Variants in SMOC2 observed in about 807,000 individuals in gnomAD.
SMOC2 encodes SPARC-related modular calcium-binding protein 2.
A neutral mutation model predicts 61.4 loss-of-function variants in SMOC2; 39 were observed. The ratio of observed to expected loss-of-function variants is 0.64; its 90% confidence interval spans 0.49 to 0.83. The LOEUF (loss-of-function observed/expected upper bound fraction) is 0.83, where lower values mean the gene tolerates loss of function less well. SMOC2 is among the 40% of genes least tolerant of loss of function. The pLI, the probability that SMOC2 is intolerant of heterozygous loss-of-function variation, is 0.00. For missense variants in SMOC2, 556 were observed against 592.9 expected, an observed-to-expected ratio of 0.94 and a Z score of 0.65; for synonymous variants, 247 against 239.9, an observed-to-expected ratio of 1.03 and a Z score of -0.27.
At chr6:168,547,848 T>C (rs1784043425) in intron 6 of SMOC2, among the ~76,000 whole-genome samples, 1 of 152,146 alleles carries the variant, frequency 6.6e-6, no homozygotes, top group Non-Finnish European at 1.5e-5. Context: ...ATTGCCATGG[T>C]GCATTCTCAT....
intron 9 of SMOC2, among the ~76,000 whole-genome samples, chr6:168,619,943 C>T (rs904868133): frequency 5.3e-5 from 8 of 152,198 alleles, no homozygotes; most frequent in African/African-American, 1.7e-4. Context: ...CACTGTGCTC[C>T]GGCAGGCCGT....
intron 9 of SMOC2, among the ~76,000 whole-genome samples, chr6:168,633,433 C>T (rs1786622892): frequency 6.6e-6 from 1 of 152,156 alleles, no homozygotes; most frequent in African/African-American, 2.4e-5. Context: ...GCTCGCTGCA[C>T]ACCGGCTTTG....
chr6:168,651,629 A>T (rs1344683263), intron 10 of SMOC2, among the ~76,000 whole-genome samples: 1 of 152,106 alleles, frequency 6.6e-6, no homozygotes, highest in Non-Finnish European at 1.5e-5. Context: ...ACTTTAGGTG[A>T]TTTTTTTGGT....
chr6:168,582,268 CTTT>C (rs1018141042), intron 7 of SMOC2, among the ~76,000 whole-genome samples: 2 of 151,324 alleles, frequency 1.3e-5, no homozygotes, highest in African/African-American at 4.8e-5. Flanking sequence ...GGGGTGACTT[CTTT>C]ATGTTACAGC....
chr6:168,620,604 A>G (rs1786217235), intron 9 of SMOC2, among the ~76,000 whole-genome samples: 1 of 152,202 alleles, frequency 6.6e-6, no homozygotes, highest in Non-Finnish European at 1.5e-5. Flanking sequence ...GACTTGTACC[A>G]ATGTCAAGAA....
intron 7 of SMOC2, among the ~76,000 whole-genome samples, chr6:168,595,201 C>T (rs1176281513): frequency 7.2e-6 from 1 of 139,746 alleles, no homozygotes; most frequent in Non-Finnish European, 1.6e-5. Flanking sequence ...TCACGAGGGG[C>T]ATCTTTCTAG....
intron 7 of SMOC2, among the ~76,000 whole-genome samples, chr6:168,559,689 G>A (rs530169610): frequency 2.0e-5 from 3 of 151,888 alleles, no homozygotes; most frequent in Non-Finnish European, 4.4e-5. Flanking sequence ...ACCCACCAAC[G>A]GCGTTTCCTT....
intron 7 of SMOC2, among the ~76,000 whole-genome samples, chr6:168,558,222 A>G (rs1369577132): frequency 6.6e-6 from 1 of 152,204 alleles, no homozygotes; most frequent in Admixed American, 6.5e-5. Flanking sequence ...CAGAGCCGCA[A>G]CCTTCTCATT....
intron 8 of SMOC2, among the ~76,000 whole-genome samples, chr6:168,607,042 G>A (rs1583154834): frequency 6.6e-6 from 1 of 152,244 alleles, no homozygotes; most frequent in South Asian, 2.1e-4. Flanking sequence ...TCCACAGAAA[G>A]GGGCGGTGGG....
At chr6:168,592,703 C>G (rs1333009420) in intron 7 of SMOC2, among the ~76,000 whole-genome samples, 3 of 52,816 alleles carry the variant, frequency 5.7e-5, no homozygotes, top group Non-Finnish European at 8.4e-5. Flanking sequence ...AGAGGATGGC[C>G]GAGCTCCTCC....
intron 1 of SMOC2, among the ~76,000 whole-genome samples, chr6:168,490,655 T>C (rs1429789964): frequency 6.6e-6 from 1 of 152,232 alleles, no homozygotes; most frequent in Non-Finnish European, 1.5e-5. Flanking sequence ...TAAAATGTCA[T>C]GTGGACACCT....
chr6:168,527,011 C>A (rs1156339936), intron 3 of SMOC2, among the ~76,000 whole-genome samples: 5 of 152,220 alleles, frequency 3.3e-5, no homozygotes, highest in Non-Finnish European at 2.9e-5. Context: ...AAACAAAGTA[C>A]TAACATACAA....
At chr6:168,539,142 G>A (rs1783819216) in intron 4 of SMOC2, among the ~76,000 whole-genome samples, 1 of 152,166 alleles carries the variant, frequency 6.6e-6, no homozygotes, top group Non-Finnish European at 1.5e-5. Flanking sequence ...TCTTCATGCT[G>A]ACTGAAGCAT....
At chr6:168,607,075 A>G (rs1785713195) in intron 8 of SMOC2, among the ~76,000 whole-genome samples, 1 of 152,080 alleles carries the variant, frequency 6.6e-6, no homozygotes, top group Non-Finnish European at 1.5e-5. Context: ...GGAATCTCCC[A>G]TCTCCCGGGA....
chr6:168,629,461 G>A (rs376900336), intron 9 of SMOC2, among the ~76,000 whole-genome samples: 12 of 152,382 alleles, frequency 7.9e-5, no homozygotes, highest in African/African-American at 2.6e-4. Flanking sequence ...GGCTGATTGG[G>A]TGCCGGGCTG....
At chr6:168,548,597 C>T (rs533185222) in intron 6 of SMOC2, among the ~76,000 whole-genome samples, 1 of 151,994 alleles carries the variant, frequency 6.6e-6, no homozygotes, top group East Asian at 1.9e-4. Context: ...AACACCCGAC[C>T]TCAGGTGATT....
Position 168,592,571 on chromosome 6 carries a change from C to T in SMOC2, c.638-6247C>T, listed in dbSNP as rs1309618777. 6.9e-4 allele frequency among the ~76,000 whole-genome samples: 79 copies of T among 113,892 alleles called. 9 individuals carry two copies. Among genetic ancestry groups the T allele is most frequent in the Non-Finnish European group, 1.0e-3 (56 of 55,880 alleles). The allele number at this position is 113,892 out of a possible 152,430, so 74.7% of individuals were successfully genotyped here. On this transcript the variant is annotated intron_variant, in intron 7 of 12. Coordinates refer to ENST00000356284, the MANE Select transcript of SMOC2 (RefSeq NM_001166412.2). ...CCGAGCTCCTCCTCCTTCCTGAGGC[C>T]TCACGAGGGGCATCTTTCTAGAGGA...
intron 9 of SMOC2, among the ~76,000 whole-genome samples, chr6:168,647,220 A>T (rs988667089): frequency 1.3e-5 from 2 of 152,166 alleles, no homozygotes; most frequent in Non-Finnish European, 2.9e-5. Flanking sequence ...CTGAGCCTGC[A>T]TGCGGCAGTT....
chr6:168,497,533 C>T (rs544491423), intron 1 of SMOC2, among the ~76,000 whole-genome samples: 21 of 152,256 alleles, frequency 1.4e-4, no homozygotes, highest in Non-Finnish European at 2.9e-5. Context: ...CCTGCCTACC[C>T]GGGCAGTGGG....
Sources: allele counts gnomAD v4.1 joint callset (sites outside exome capture counted in the v4.1 genomes callset), GRCh38; gene constraint gnomAD v4.1.1; transcripts MANE v1.5; gene names NCBI Gene and HGNC (gene_info 2026-07-23, HGNC 2026-07-21).